The following FBN3 variants were observed in gnomAD, a reference collection of about 807,000 sequenced individuals.
The protein encoded by FBN3 is fibrillin 3.
A neutral mutation model predicts 330.1 loss-of-function variants in FBN3; 234 were observed. The ratio of observed to expected loss-of-function variants is 0.71; its 90% CI spans 0.64 to 0.79. FBN3 has a LOEUF of 0.79. Ranked by LOEUF, FBN3 falls within the 30% of genes least tolerant of loss-of-function variation. FBN3 has a pLI of 0.00. For synonymous variants in FBN3, 1,458 were observed against 1,517.3 expected (o/e 0.96, Z 0.91); for missense variants, 3,606 against 3,886.9 (o/e 0.93, Z 1.92).
chr19:8,141,143 C>G (rs1191787709), intron 8 of FBN3, among the ~76,000 whole-genome samples: 12 of 138,722 alleles, frequency 8.7e-5, no homozygotes, highest in Admixed American at 4.7e-4. Context: ...TGCAGTGAGC[C>G]GAGATCGCGC....
intron 24 of FBN3, 83 bp downstream of exon 24, chr19:8,123,381 C>T (rs1016621392): frequency 1.9e-5 from 26 of 1,359,200 alleles, no homozygotes; most frequent in Non-Finnish European, 2.5e-5. Context: ...AGAAAAAGAA[C>T]AGGTGTTGTC....
At chr19:8,118,787 A>T (rs1291140832) in intron 26 of FBN3, 110 bp downstream of exon 26, 17 of 1,368,758 alleles carry the variant, frequency 1.2e-5, no homozygotes, top group Non-Finnish European at 1.6e-5. Flanking sequence ...TCAGAAAGAC[A>T]GATACACATG....
chr19:8,135,935 T>TTGGGGGGGGGGGGGGGGGGGGGGGGCCG, intron 13 of FBN3, 26 bp downstream of exon 13: 1 of 1,344,156 alleles, frequency 7.4e-7, no homozygotes, highest in Non-Finnish European at 1.0e-6. Context: ...CGGAAGCCCC[T>TTGGGGGGGGGGGGGGGGGGGGGGGGCCG]GCCCACCCGC....
At chr19:8,108,099 G>T in intron 37 of FBN3, 71 bp downstream of exon 37, 2 of 1,364,806 alleles carry the variant, frequency 1.5e-6, no homozygotes, top group Non-Finnish European at 1.0e-6. Context: ...TCTACACTTT[G>T]GTGAGGTGGG....
intron 22 of FBN3, among the ~76,000 whole-genome samples, chr19:8,124,522 G>C (rs567551110): frequency 1.4e-5 from 2 of 148,008 alleles, no homozygotes; most frequent in African/African-American, 2.5e-5. Flanking sequence ...ACAGGTGTGA[G>C]CTACCGTGCC....
Position 8,126,472 on chromosome 19 carries a change from C to A in FBN3, c.2550G>T (p.Glu850Asp). ...AAWGSPCERCEIDPACARGFA... is the reference protein window; with the variant it reads ...AAWGSPCERCDIDPACARGFA... ...AGGCCTCAAGGAGGATACTACCGAT[C>A]TCGCAGCGTTCGCAGGGGCTCCCCC... Residue 850 changes from glutamate (E) to aspartate (D), a missense_variant, in exon 20 of 64, where the codon GAG becomes GAT. By Grantham distance (45) the Glu-to-Asp change is conservative. Transcript: ENST00000600128. 6.2e-7 allele frequency: 1 copy of A among 1,612,006 alleles called. No homozygotes were observed. The highest frequency in any genetic ancestry group is 8.5e-7 in the Non-Finnish European group (1 of 1,179,126).
chr19:8,132,991 G>A lies in FBN3; in HGVS notation c.1707C>T (p.Tyr569=), dbSNP rs950304925. Residue 569 remains tyrosine (Y), a synonymous_variant, in exon 14 of 64, where the codon TAC becomes TAT. Coordinates refer to ENST00000600128, the MANE Select transcript of FBN3 (RefSeq NM_032447.5). ...PGFLLAPGGH[Y]CMDIDECQTP... ...GTCTGGCTCCAGGCTCACCCATGCAGTAGTGGCCGCCAGGCGCCAGCAGGA... is the reference window on the plus strand; with the variant it reads ...GTCTGGCTCCAGGCTCACCCATGCAATAGTGGCCGCCAGGCGCCAGCAGGA... 3.8e-6 allele frequency: 6 copies of A among 1,559,796 alleles called. No homozygotes were observed. Among genetic ancestry groups the A allele is most frequent in the Non-Finnish European group, 5.2e-6 (6 of 1,156,120 alleles).
At chr19:8,068,759 T>C (rs1254559340) in intron 63 of FBN3, among the ~76,000 whole-genome samples, 2 of 151,878 alleles carry the variant, frequency 1.3e-5, no homozygotes, top group East Asian at 1.9e-4. Flanking sequence ...TGGAGGAAAA[T>C]ACTGCTTCCC....
intron 13 of FBN3, 25 bp downstream of exon 13, chr19:8,135,936 G>GGTCCCCCCCCCCCCCC: frequency 1.5e-6 from 1 of 668,778 alleles, no homozygotes; most frequent in South Asian, 1.6e-5. Context: ...GGAAGCCCCT[G>GGTCCCCCCCCCCCCCC]CCCACCCGCC....
At position 8,103,544 on chromosome 19, in the gene FBN3, G is replaced by A. The variant is rs1271268151; in HGVS notation, c.4939+18C>T. The stretch of plus-strand genomic sequence containing the variant: ...TGCTTCTGTGACTGCCAGTTCCCTA[G>A]GTCATCACGCTTCTTACCCATGCAG... On this transcript the variant is annotated intron_variant, in intron 39 of 63. Coordinates refer to ENST00000600128, the MANE Select transcript of FBN3 (RefSeq NM_032447.5). The A allele has an allele frequency of 1.6e-5, 26 of 1,610,186 alleles. No individual in the cohort carries two copies. Among genetic ancestry groups the A allele is most frequent in the Non-Finnish European group, 2.1e-5 (25 of 1,177,946 alleles).
intron 59 of FBN3, among the ~76,000 whole-genome samples, chr19:8,080,463 G>A (rs2081749863): frequency 6.6e-6 from 1 of 152,194 alleles, no homozygotes; most frequent in South Asian, 2.1e-4. Context: ...ACTTGTCAGG[G>A]GGAAGGCAAG....
rs2082736018 is a variant in FBN3, at chr19:8,117,600, G to T, written c.3338-11C>A. On this transcript the variant is annotated splice_polypyrimidine_tract_variant and intron_variant, in intron 26 of 63. Transcript: ENST00000600128. ...AGCACTCATCGATGTCTGTGGGGGAGTGCAGGTGAAAGACGGGCCTGTGCC... is the reference window on the plus strand; with the variant it reads ...AGCACTCATCGATGTCTGTGGGGGATTGCAGGTGAAAGACGGGCCTGTGCC... The T allele has an allele frequency of 6.5e-7, 1 of 1,529,738 alleles. No individual in the cohort carries two copies. The highest frequency in any genetic ancestry group is 8.8e-7 in the Non-Finnish European group (1 of 1,132,988). 94.8% of individuals were successfully genotyped at this position (1,529,738 alleles called of 1,614,324 possible).
intron 61 of FBN3, among the ~76,000 whole-genome samples, chr19:8,073,866 G>A (rs190034312): frequency 4.4e-4 from 67 of 152,230 alleles, no homozygotes; most frequent in Non-Finnish European, 8.1e-4. Flanking sequence ...TTTTTGTAGA[G>A]ATGGGGGGTC....
At chr19:8,088,781 G>A (rs1051440337) in intron 51 of FBN3, among the ~76,000 whole-genome samples, 7 of 152,112 alleles carry the variant, frequency 4.6e-5, no homozygotes, top group Non-Finnish European at 1.0e-4. Context: ...ATGGGTGAAT[G>A]AGCAAGGAGA....
In FBN3 at chr19:8,096,774, CT is replaced by C. The variant is rs1398627673; in HGVS notation, c.5413+106del. ...CACTCTCAATACATCCCCCACCCCC[CT>C]AATAGTATAGAAAAGGAGAAAGACC... On this transcript the variant is annotated intron_variant, in intron 43 of 63. Coordinates refer to ENST00000600128, the MANE Select transcript of FBN3 (RefSeq NM_032447.5). This position sits in a 1 kb window ranked among gnomAD's most constrained non-coding sequence, Gnocchi z 4.6. The C allele has an allele frequency of 1.9e-5, 26 of 1,394,048 alleles. No homozygotes were observed. In the African/African-American group the frequency reaches 2.6e-4, roughly 14 times the overall value. 86.4% of individuals were successfully genotyped at this position (1,394,048 alleles called of 1,614,324 possible).
intron 38 of FBN3, 136 bp from the exon 39 acceptor site, chr19:8,103,823 C>T: frequency 1.3e-6 from 1 of 742,796 alleles, no homozygotes; most frequent in Non-Finnish European, 2.2e-6. Context: ...AAAACGCACA[C>T]ACATCTTAGT....
chr19:8,083,241 G>A lies in FBN3; in HGVS notation c.7213+6C>T, dbSNP rs1156558889. The A allele has an allele frequency of 1.2e-6, 2 of 1,613,892 alleles. No homozygotes were observed. Among genetic ancestry groups the A allele is most frequent in the Non-Finnish European group, 1.7e-6 (2 of 1,179,990 alleles). On this transcript the variant is annotated splice_donor_region_variant and intron_variant, in intron 57 of 63. Coordinates refer to ENST00000600128, the MANE Select transcript of FBN3 (RefSeq NM_032447.5). ...CAAGGGTGCAGGTGCAGAGGGCTGG[G>A]CTCACCCAGGCAGGTAGTAGCAGTA...
chr19:8,087,984 C>G, intron 52 of FBN3, 37 bp from the exon 53 acceptor site: 1 of 1,614,084 alleles, frequency 6.2e-7, no homozygotes, highest in African/African-American at 1.3e-5. Flanking sequence ...TGGGTAGGGA[C>G]TGAGGGCGGG....
Position 8,072,211 on chromosome 19 carries a change from G to A in FBN3, c.7938-13C>T, listed in dbSNP as rs770863212. 2 of 1,518,990 alleles carry A rather than the reference G, an allele frequency of 1.3e-6. No homozygotes were observed. The highest frequency in any genetic ancestry group is 1.8e-6 in the Non-Finnish European group (2 of 1,136,456). The allele number at this position is 1,518,990 out of a possible 1,614,324, so 94.1% of individuals were successfully genotyped here. On this transcript the variant is annotated splice_polypyrimidine_tract_variant and intron_variant, in intron 62 of 63. Transcript: ENST00000600128. ...GGAGACACAGTGCCTGGGCCAGGAT[G>A]GGCAGGGTGGAGGGGTTTCAGAGGC...
Sources: gnomAD v4.1 joint callset for allele counts (sites outside exome capture counted in the v4.1 genomes callset) on GRCh38, gnomAD v4.1.1 for gene constraint, Gnocchi (gnomAD v3.1) non-coding constraint, MANE v1.5 for transcripts, NCBI Gene and HGNC (gene_info 2026-07-23, HGNC 2026-07-21) for gene names.